Variants in ROR1 observed in about 807,000 individuals in gnomAD.
ROR1 encodes the protein ROR family WNT receptor 1, also known as inactive tyrosine-protein kinase transmembrane receptor ROR1.
A neutral mutation model predicts 78.8 loss-of-function variants in ROR1; 19 were observed. That is an observed-to-expected ratio of 0.24 (90% CI 0.17 to 0.35). The LOEUF (loss-of-function observed/expected upper bound fraction) is 0.35, where lower values mean the gene tolerates loss of function less well. ROR1 is among the 10% of genes least tolerant of loss of function. The pLI, the probability that ROR1 is intolerant of heterozygous loss-of-function variation, is 1.00. For missense variants in ROR1, 917 were observed against 1,177.8 expected (o/e 0.78, Z 3.24); for synonymous variants, 386 against 433.6 (o/e 0.89, Z 1.36).
At chr1:64,082,083 T>A (rs960946668) in intron 4 of ROR1, among the ~76,000 whole-genome samples, 2 of 152,062 alleles carry the variant, frequency 1.3e-5, no homozygotes, top group Non-Finnish European at 2.9e-5. Flanking sequence ...GAGTCATAGA[T>A]GTTTTAGTAG....
At chr1:64,065,175 C>A (rs980022782) in intron 4 of ROR1, among the ~76,000 whole-genome samples, 1 of 152,162 alleles carries the variant, frequency 6.6e-6, no homozygotes, top group African/African-American at 2.4e-5. Flanking sequence ...CTGTGCCAGG[C>A]CTTTTTATAA....
chr1:63,831,539 G>C (rs1042438374), intron 1 of ROR1, among the ~76,000 whole-genome samples: 1 of 152,176 alleles, frequency 6.6e-6, no homozygotes, highest in African/African-American at 2.4e-5. Flanking sequence ...AACTGGAGTG[G>C]CTGAGACTCA....
chr1:63,823,382 G>A (rs1644934656), intron 1 of ROR1, among the ~76,000 whole-genome samples: 2 of 151,164 alleles, frequency 1.3e-5, no homozygotes, highest in Admixed American at 1.3e-4. Context: ...ATAGATACAA[G>A]GTTTATAATT....
At chr1:64,134,745 A>G (rs1031637177) in intron 4 of ROR1, among the ~76,000 whole-genome samples, 8 of 140,738 alleles carry the variant, frequency 5.7e-5, no homozygotes, top group Admixed American at 2.1e-4. Flanking sequence ...AGATTCTTTC[A>G]TTCTTTTTTT....
chr1:63,961,760 G>A (rs1340090814), intron 1 of ROR1, among the ~76,000 whole-genome samples: 1 of 152,140 alleles, frequency 6.6e-6, no homozygotes, highest in Admixed American at 6.6e-5. Flanking sequence ...GGAGGAATAA[G>A]TTCTAGTTTT....
intron 1 of ROR1, chr1:63,788,799 T>G: frequency 1.7e-6 from 1 of 603,986 alleles, no homozygotes; most frequent in South Asian, 1.5e-5. Flanking sequence ...GGCGCTTGCA[T>G]GCTTCCTTGG....
chr1:64,113,906 A>G (rs988873962), intron 4 of ROR1: 2 of 152,142 alleles, frequency 1.3e-5, no homozygotes, highest in African/African-American at 4.8e-5. Flanking sequence ...TTAACATTTA[A>G]CAATCGCCTC....
chr1:64,132,261 T>C (rs896728193), intron 4 of ROR1, among the ~76,000 whole-genome samples: 1 of 152,200 alleles, frequency 6.6e-6, no homozygotes, highest in African/African-American at 2.4e-5. Context: ...AATAATATAG[T>C]CTATTGTATG....
chr1:64,137,955 A>C (rs1649172428), intron 5 of ROR1, among the ~76,000 whole-genome samples: 1 of 152,210 alleles, frequency 6.6e-6, no homozygotes, highest in Non-Finnish European at 1.5e-5. Flanking sequence ...TACTTTCCCA[A>C]AAAGTCCCCT....
chr1:64,164,807 A>G (rs978823247), intron 8 of ROR1, among the ~76,000 whole-genome samples: 2 of 152,130 alleles, frequency 1.3e-5, no homozygotes, highest in Admixed American at 6.5e-5. Flanking sequence ...TGTGTCTATG[A>G]GAACAACATT....
chr1:63,944,040 G>T (rs1357553566), intron 1 of ROR1, among the ~76,000 whole-genome samples: 1 of 152,150 alleles, frequency 6.6e-6, no homozygotes, highest in Non-Finnish European at 1.5e-5. Flanking sequence ...ATTTGTGAAA[G>T]CAGTTGAATG....
chr1:63,785,023 G>A (rs1644675421), intron 1 of ROR1, among the ~76,000 whole-genome samples: 1 of 152,194 alleles, frequency 6.6e-6, no homozygotes, highest in South Asian at 2.1e-4. Flanking sequence ...TATGCTCTGT[G>A]AAGGTTAAAC....
At chr1:63,904,209 T>A (rs946913404) in intron 1 of ROR1, among the ~76,000 whole-genome samples, 1 of 152,206 alleles carries the variant, frequency 6.6e-6, no homozygotes, top group Non-Finnish European at 1.5e-5. Flanking sequence ...GTGCTTTTTG[T>A]GGATTACGGG....
chr1:64,036,767 A>G (rs888573062), intron 2 of ROR1, among the ~76,000 whole-genome samples: 11 of 152,216 alleles, frequency 7.2e-5, no homozygotes, highest in African/African-American at 2.4e-4. Flanking sequence ...AGCAACAATC[A>G]TGTATTATTA....
intron 1 of ROR1, among the ~76,000 whole-genome samples, chr1:63,793,452 C>T (rs922488579): frequency 2.0e-5 from 3 of 152,304 alleles, no homozygotes; most frequent in South Asian, 2.1e-4. Context: ...TTGATCTTTA[C>T]GCATTCTATG....
In ROR1 at chr1:64,014,739, AC is replaced by A. The variant is rs1390156302; in HGVS notation, c.163+5364del. Among the ~76,000 whole-genome samples, 56 of 10,384 alleles carry A rather than the reference AC, an allele frequency of 5.4e-3. 3 individuals carry two copies. Among genetic ancestry groups the A allele is most frequent in the South Asian group, 0.013 (2 of 156 alleles). 6.8% of individuals were successfully genotyped at this position (10,384 alleles called of 152,430 possible). On this transcript the variant is annotated intron_variant, in intron 2 of 8. Coordinates refer to ENST00000371079, the MANE Select transcript of ROR1 (RefSeq NM_005012.4). Reference sequence around the variant, plus strand: ...TATATATATATATACACATACGCACACTATATATATATATATATATATATAT... The same window carrying A: ...TATATATATATATACACATACGCACATATATATATATATATATATATATAT...
At position 64,035,398 on chromosome 1, in the gene ROR1, C is replaced by T. The variant is rs11805189; in HGVS notation, c.164-14293C>T. On this transcript the variant is annotated intron_variant, in intron 2 of 8. Coordinates refer to ENST00000371079, the MANE Select transcript of ROR1 (RefSeq NM_005012.4). ...TTTTCTTGGACTTTATATGCGATAC[C>T]TTTCAGGGAGGCTGCCTACCTCATA... is the stretch of plus-strand genomic sequence containing the variant. 4.0e-3 allele frequency among the ~76,000 whole-genome samples: 611 copies of T among 152,202 alleles called. 2 individuals are homozygous for T. The highest frequency in any genetic ancestry group is 0.014 in the African/African-American group (585 of 41,516).
chr1:63,891,823 T>G (rs1286034937), intron 1 of ROR1, among the ~76,000 whole-genome samples: 2 of 152,158 alleles, frequency 1.3e-5, no homozygotes, highest in Non-Finnish European at 2.9e-5. Context: ...TGTGCTACCC[T>G]AATCCTGGTT....
At chr1:63,876,425 C>T (rs1645285243) in intron 1 of ROR1, among the ~76,000 whole-genome samples, 1 of 152,218 alleles carries the variant, frequency 6.6e-6, no homozygotes, top group Non-Finnish European at 1.5e-5. Flanking sequence ...AAAACTTCTG[C>T]CCCCTCTTCC....
Sources: allele counts gnomAD v4.1 joint callset (sites outside exome capture counted in the v4.1 genomes callset), GRCh38; gene constraint gnomAD v4.1.1; transcripts MANE v1.5; gene names NCBI Gene and HGNC (gene_info 2026-07-23, HGNC 2026-07-21).